The following AUTS2 variants were observed in gnomAD, a reference collection of about 807,000 sequenced individuals.
AUTS2 encodes the protein autism susceptibility gene 2 protein.
In AUTS2, 17 loss-of-function variants were observed where a neutral mutation model predicts 112.4. That is an observed-to-expected ratio of 0.15 (90% CI 0.10 to 0.23). The LOEUF (loss-of-function observed/expected upper bound fraction) is 0.23. AUTS2 is among the 10% of genes least tolerant of loss of function. AUTS2 has a pLI of 1.00. For synonymous variants in AUTS2, 751 were observed against 702.7 expected, an observed-to-expected ratio of 1.07 and a Z score of -1.09; for missense variants, 1,510 against 1,701.6, an observed-to-expected ratio of 0.89 and a Z score of 1.98.
intron 5 of AUTS2, among the ~76,000 whole-genome samples, chr7:70,524,584 C>A (rs1186752073): frequency 6.6e-6 from 1 of 152,122 alleles, no homozygotes; most frequent in Non-Finnish European, 1.5e-5. Context: ...CAGGACTGTT[C>A]GAACAAAAGG....
chr7:69,917,561 A>G (rs1250471388), intron 2 of AUTS2, among the ~76,000 whole-genome samples: 2 of 149,882 alleles, frequency 1.3e-5, no homozygotes, highest in Non-Finnish European at 2.9e-5. Context: ...GTATAGTGGT[A>G]AAATCTGAGA....
intron 5 of AUTS2, among the ~76,000 whole-genome samples, chr7:70,514,368 C>T (rs1249591192): frequency 1.3e-5 from 2 of 152,210 alleles, no homozygotes; most frequent in African/African-American, 2.4e-5. Flanking sequence ...TATGGTTCTA[C>T]TGGCTGTACA....
intron 4 of AUTS2, among the ~76,000 whole-genome samples, chr7:70,370,221 T>G (rs1468103654): frequency 1.3e-5 from 2 of 152,212 alleles, no homozygotes; most frequent in African/African-American, 4.8e-5. Flanking sequence ...TCCATGTTTT[T>G]TAATAAATGC....
At chr7:70,012,449 T>C (rs1799846708) in intron 2 of AUTS2, among the ~76,000 whole-genome samples, 1 of 152,210 alleles carries the variant, frequency 6.6e-6, no homozygotes, top group Non-Finnish European at 1.5e-5. Context: ...CTTTATGGTG[T>C]TCAGTGTTCC....
chr7:70,781,575 T>C (rs1294001466), intron 14 of AUTS2, 40 bp from the exon 15 acceptor site: 3 of 1,610,156 alleles, frequency 1.9e-6, no homozygotes, highest in Non-Finnish European at 2.5e-6. Context: ...TATTCCTTGC[T>C]GTTGGCCTTG....
intron 4 of AUTS2, among the ~76,000 whole-genome samples, chr7:70,136,126 T>A (rs957956575): frequency 2.0e-5 from 3 of 152,328 alleles, no homozygotes; most frequent in South Asian, 2.1e-4. Context: ...CCAAGAATGG[T>A]TATTTTTATT....
chr7:70,575,712 C>T (rs1052459197), intron 5 of AUTS2, among the ~76,000 whole-genome samples: 14 of 152,252 alleles, frequency 9.2e-5, no homozygotes, highest in African/African-American at 2.6e-4. Context: ...CAGTTAACTG[C>T]GGGCCTGTCA....
At chr7:70,731,614 A>G (rs527774936) in intron 6 of AUTS2, among the ~76,000 whole-genome samples, 171 of 151,652 alleles carry the variant, frequency 1.1e-3, no homozygotes, top group African/African-American at 3.9e-3. Context: ...TATTTTTAGT[A>G]GAGACGGGGT....
intron 2 of AUTS2, among the ~76,000 whole-genome samples, chr7:70,003,225 A>C (rs867755009): frequency 3.0e-5 from 4 of 132,574 alleles, no homozygotes; most frequent in African/African-American, 1.2e-4. Flanking sequence ...TTATATATGA[A>C]TATATTATAT....
chr7:69,653,304 A>C (rs977854441), intron 1 of AUTS2, among the ~76,000 whole-genome samples: 9 of 152,228 alleles, frequency 5.9e-5, no homozygotes, highest in Non-Finnish European at 1.3e-4. Flanking sequence ...CTAAAGAGAA[A>C]TTTCAGGTGT....
chr7:69,621,805 G>A (rs1442704476), intron 1 of AUTS2, among the ~76,000 whole-genome samples: 1 of 152,092 alleles, frequency 6.6e-6, no homozygotes, highest in East Asian at 1.9e-4. Flanking sequence ...TCTTTGGTAG[G>A]CGTACTTAAA....
chr7:69,748,909 C>T (rs1562856516), intron 1 of AUTS2, among the ~76,000 whole-genome samples: 1 of 152,108 alleles, frequency 6.6e-6, no homozygotes, highest in Non-Finnish European at 1.5e-5. Flanking sequence ...AAATAAATCA[C>T]TGATAACAGC....
chr7:69,816,018 T>C lies in AUTS2; in HGVS notation c.310-83268T>C, dbSNP rs551480748. 1.1e-4 allele frequency among the ~76,000 whole-genome samples: 16 copies of C among 152,318 alleles called. No homozygotes were observed. In the East Asian group the frequency reaches 3.1e-3, roughly 29 times the overall value. On this transcript the variant is annotated intron_variant, in intron 1 of 18. Transcript: ENST00000342771. ...GTATGAATCTAGCCAAGAAAGGTCA[T>C]GTCACCTGCTACACAGTTTGCTAGA...
intron 2 of AUTS2, among the ~76,000 whole-genome samples, chr7:69,937,315 G>C (rs1562980602): frequency 6.6e-6 from 1 of 152,184 alleles, no homozygotes; most frequent in Non-Finnish European, 1.5e-5. Context: ...GGAGGGGTTT[G>C]GTCCCGGATG....
chr7:70,569,076 G>A (rs146628662), intron 5 of AUTS2, among the ~76,000 whole-genome samples: 14 of 152,236 alleles, frequency 9.2e-5, no homozygotes, highest in Non-Finnish European at 1.3e-4. Flanking sequence ...ACGATGCTCC[G>A]CTCTCCCCAA....
chr7:70,251,786 A>G (rs563653915), intron 4 of AUTS2, among the ~76,000 whole-genome samples: 1 of 152,178 alleles, frequency 6.6e-6, no homozygotes, highest in East Asian at 1.9e-4. Flanking sequence ...TTTTGTTTTT[A>G]TAATTTTTTT....
chr7:69,729,299 A>G (rs971565158), intron 1 of AUTS2, among the ~76,000 whole-genome samples: 1 of 151,900 alleles, frequency 6.6e-6, no homozygotes, highest in Non-Finnish European at 1.5e-5. Flanking sequence ...TGTATTTAAC[A>G]CATACTCGCA....
intron 6 of AUTS2, among the ~76,000 whole-genome samples, chr7:70,747,582 C>T (rs1363430306): frequency 6.6e-6 from 1 of 152,156 alleles, no homozygotes; most frequent in Non-Finnish European, 1.5e-5. Flanking sequence ...CCTCAGCCTC[C>T]TCAGTAGCTG....
rs551755174 is a variant in AUTS2 at position 70,482,215 on chromosome 7, G to A, written c.690+46434G>A. On this transcript the variant is annotated intron_variant, in intron 5 of 18. Coordinates refer to ENST00000342771, the MANE Select transcript of AUTS2 (RefSeq NM_015570.4). ...CTTAAAACCTCTGGAGGACAAAGCTGTAAGGGCACGGGGATTTACTGCGAC... is the reference window on the plus strand; with the variant it reads ...CTTAAAACCTCTGGAGGACAAAGCTATAAGGGCACGGGGATTTACTGCGAC... 5.1e-4 allele frequency among the ~76,000 whole-genome samples: 77 copies of A among 152,258 alleles called. 1 individual carries two copies. The highest frequency in any genetic ancestry group is 1.8e-3 in the African/African-American group (75 of 41,564).
Sources: gnomAD v4.1 joint callset for allele counts (sites outside exome capture counted in the v4.1 genomes callset) on GRCh38, gnomAD v4.1.1 for gene constraint, MANE v1.5 for transcripts, NCBI Gene and HGNC (gene_info 2026-07-23, HGNC 2026-07-21) for gene names.